The following COL23A1 variants were observed in gnomAD, a reference collection of about 807,000 sequenced individuals.
COL23A1 encodes collagen alpha-1(XXIII) chain.
COL23A1 carries 97 observed loss-of-function variants against 99.3 expected under a neutral mutation model. The observed-to-expected ratio is 0.98, with a 90% confidence interval of 0.83 to 1.16. COL23A1 has a LOEUF of 1.16. Ranked by LOEUF, COL23A1 falls within the 50% of genes most tolerant of loss-of-function variation. The probability of loss-of-function intolerance (pLI) is 0.00; values close to 1 mark genes in which losing one functional copy is unlikely to be tolerated. For missense variants in COL23A1, 762 were observed against 757.4 expected (o/e 1.01, Z -0.07); for synonymous variants, 320 against 308.2 (o/e 1.04, Z -0.40).
intron 2 of COL23A1, among the ~76,000 whole-genome samples, chr5:178,521,831 T>C (rs1272838903): frequency 2.6e-5 from 4 of 152,180 alleles, no homozygotes; most frequent in Admixed American, 1.3e-4. Flanking sequence ...AGTTAAGAAG[T>C]TACCAGTGGC....
intron 2 of COL23A1, among the ~76,000 whole-genome samples, chr5:178,325,596 C>A (rs1759605364): frequency 6.6e-6 from 1 of 152,274 alleles, no homozygotes; most frequent in Non-Finnish European, 1.5e-5. Context: ...AGGGAATCCA[C>A]TTGCTACAGT....
chr5:178,335,404 T>C (rs1477486907), intron 2 of COL23A1, among the ~76,000 whole-genome samples: 8 of 152,160 alleles, frequency 5.3e-5, no homozygotes, highest in Non-Finnish European at 1.5e-5. Context: ...TCCAGTCCCA[T>C]AGGAAGAGCG....
At chr5:178,276,120 T>C (rs1481233032) in intron 5 of COL23A1, among the ~76,000 whole-genome samples, 1 of 152,152 alleles carries the variant, frequency 6.6e-6, no homozygotes, top group African/African-American at 2.4e-5. Flanking sequence ...GGTGGCTCCA[T>C]CCCTGGAGTG....
At chr5:178,276,287 C>T (rs1333006726) in intron 5 of COL23A1, among the ~76,000 whole-genome samples, 8 of 149,720 alleles carry the variant, frequency 5.3e-5, no homozygotes, top group African/African-American at 1.7e-4. Flanking sequence ...AAACTGGCCG[C>T]GTTTAGAAGC....
chr5:178,290,865 T>C (rs1757419512), intron 3 of COL23A1, among the ~76,000 whole-genome samples: 1 of 151,700 alleles, frequency 6.6e-6, no homozygotes, highest in Admixed American at 6.6e-5. Context: ...GCATGAGGAG[T>C]AGCAGGGCCT....
Position 178,365,346 on chromosome 5 carries a change from G to A in COL23A1, c.362-58427C>T, listed in dbSNP as rs770226933. ...ACTGAGACCTCGGTGGCTGTCCCAG[G>A]CTCTGTCCTCCCTGCATATGGCCTC... On this transcript the variant is annotated intron_variant, in intron 2 of 28. Transcript: ENST00000390654. The surrounding 1 kb of genome is among the most constrained non-coding windows in gnomAD (Gnocchi z 5.2). 1.3e-5 allele frequency among the ~76,000 whole-genome samples: 2 copies of A among 152,066 alleles called. No individual in the cohort carries two copies. Among genetic ancestry groups the A allele is most frequent in the Non-Finnish European group, 2.9e-5 (2 of 67,998 alleles).
At chr5:178,259,609 G>C in intron 12 of COL23A1, 112 bp downstream of exon 12, 3 of 1,083,846 alleles carry the variant, frequency 2.8e-6, no homozygotes, top group East Asian at 2.7e-5. Flanking sequence ...CTGTGGGTTG[G>C]CTCCCAGCCC....
At chr5:178,548,821 A>G (rs1761852980) in intron 2 of COL23A1, among the ~76,000 whole-genome samples, 1 of 152,154 alleles carries the variant, frequency 6.6e-6, no homozygotes, top group Non-Finnish European at 1.5e-5. Flanking sequence ...ATTTTTAAAA[A>G]TGTCCATCAA....
At chr5:178,449,113 C>T (rs1030316321) in intron 2 of COL23A1, among the ~76,000 whole-genome samples, 1 of 152,184 alleles carries the variant, frequency 6.6e-6, no homozygotes, top group South Asian at 2.1e-4. Flanking sequence ...CCTCTCACCT[C>T]AGCTTCCCAA....
chr5:178,550,129 T>C (rs2113459847), intron 2 of COL23A1, among the ~76,000 whole-genome samples: 1 of 152,328 alleles, frequency 6.6e-6, no homozygotes, highest in Middle Eastern at 3.4e-3. Context: ...CCCAGGAAAC[T>C]AGGAAACCTA....
intron 2 of COL23A1, among the ~76,000 whole-genome samples, chr5:178,333,497 C>T (rs969751636): frequency 3.3e-5 from 5 of 152,168 alleles, no homozygotes; most frequent in Admixed American, 2.6e-4. Context: ...CACCCAGCCA[C>T]GCCCTTTCAT....
At chr5:178,375,958 C>T (rs745753912) in intron 2 of COL23A1, among the ~76,000 whole-genome samples, 10 of 152,198 alleles carry the variant, frequency 6.6e-5, no homozygotes, top group Non-Finnish European at 1.0e-4. Flanking sequence ...CTGCCCGCCT[C>T]GGCCTCCAAA....
chr5:178,590,362 A>G lies in COL23A1; in HGVS notation c.-165T>C. The G allele has an allele frequency of 9.5e-6, 5 of 523,690 alleles. No homozygotes were observed. Among genetic ancestry groups the G allele is most frequent in the Non-Finnish European group, 1.1e-5 (4 of 363,380 alleles). The allele number at this position is 523,690 out of a possible 1,614,324, so 32.4% of individuals were successfully genotyped here. A position where few individuals can be genotyped will look rare whatever the true frequency, so the allele number is the denominator to read the frequency against. On this transcript the variant is annotated 5_prime_UTR_variant, in exon 1 of 29. Coordinates refer to ENST00000390654, the MANE Select transcript of COL23A1 (RefSeq NM_173465.4). This position sits in a 1 kb window ranked among gnomAD's most constrained non-coding sequence, Gnocchi z 5.7. ...CGCGCACGCCCCCTTCGCCGCAGCC[A>G]GCTCCTCCACAGCGGCCACTTTGGG...
intron 2 of COL23A1, among the ~76,000 whole-genome samples, chr5:178,435,489 C>A (rs1054807912): frequency 2.0e-5 from 3 of 152,238 alleles, no homozygotes; most frequent in Non-Finnish European, 2.9e-5. Flanking sequence ...GGGGTGCAGA[C>A]CACGCATGGC....
intron 1 of COL23A1, among the ~76,000 whole-genome samples, chr5:178,576,924 G>C (rs1026307911): frequency 1.3e-5 from 2 of 151,734 alleles, no homozygotes; most frequent in Non-Finnish European, 2.9e-5. Flanking sequence ...CCGCTCTGCC[G>C]GGTCAGCCCC....
chr5:178,565,120 A>G (rs1041703145), intron 1 of COL23A1, among the ~76,000 whole-genome samples: 2 of 151,700 alleles, frequency 1.3e-5, no homozygotes, highest in Non-Finnish European at 2.9e-5. Context: ...TAAAATGTCT[A>G]CATTGACGTA....
At chr5:178,386,882 G>A (rs951015573) in intron 2 of COL23A1, among the ~76,000 whole-genome samples, 2 of 152,188 alleles carry the variant, frequency 1.3e-5, no homozygotes, top group African/African-American at 4.8e-5. Flanking sequence ...TCTATGCTGT[G>A]CCACTGATCG....
chr5:178,410,627 G>A (rs997864897), intron 2 of COL23A1, among the ~76,000 whole-genome samples: 7 of 152,072 alleles, frequency 4.6e-5, no homozygotes, highest in East Asian at 3.9e-4. Context: ...AAATTAATGC[G>A]AAACAGTGGC....
chr5:178,286,145 C>T (rs1234169369), intron 5 of COL23A1, among the ~76,000 whole-genome samples: 1 of 152,194 alleles, frequency 6.6e-6, no homozygotes, highest in Non-Finnish European at 1.5e-5. Flanking sequence ...GGAAGAAGGC[C>T]ATCATGGGCT....
Sources: allele counts gnomAD v4.1 joint callset (sites outside exome capture counted in the v4.1 genomes callset), GRCh38; gene constraint gnomAD v4.1.1; non-coding constraint Gnocchi (gnomAD v3.1); transcripts MANE v1.5; gene names NCBI Gene and HGNC (gene_info 2026-07-23, HGNC 2026-07-21).